BABAM2: variants seen among roughly 807,000 people sequenced by gnomAD.
BABAM2 encodes BRISC and BRCA1-A complex member 2.
Under a neutral mutation model 54.7 loss-of-function variants are expected in BABAM2, and 31 were observed. The ratio of observed to expected loss-of-function variants is 0.57; its 90% CI spans 0.43 to 0.77. BABAM2 has a LOEUF of 0.77. Among genes scored for constraint, BABAM2 ranks in the 30% least tolerant of loss-of-function variants. The pLI is 0.00. For synonymous variants in BABAM2, 167 were observed against 162.9 expected (o/e 1.03, Z -0.19); for missense variants, 364 against 455.8 (o/e 0.80, Z 1.83).
chr2:28,213,957 A>AC (rs1482609303), intron 7 of BABAM2, among the ~76,000 whole-genome samples: 2 of 151,684 alleles, frequency 1.3e-5, no homozygotes, highest in African/African-American at 2.4e-5. Flanking sequence ...AAAAAAAAAA[A>AC]AAACAGCACT....
At chr2:28,306,844 G>A (rs530637624) in intron 11 of BABAM2, among the ~76,000 whole-genome samples, 6 of 146,524 alleles carry the variant, frequency 4.1e-5, no homozygotes, top group Admixed American at 1.4e-4. Flanking sequence ...CTACAGGCTC[G>A]CGCCACTATT....
At chr2:28,332,591 C>G (rs186348453) in intron 11 of BABAM2, among the ~76,000 whole-genome samples, 1 of 152,258 alleles carries the variant, frequency 6.6e-6, no homozygotes, top group Non-Finnish European at 1.5e-5. Context: ...GCATGTTGTC[C>G]TGGACAGAAG....
intron 10 of BABAM2, among the ~76,000 whole-genome samples, chr2:28,250,341 G>A (rs1404124782): frequency 2.2e-5 from 2 of 89,298 alleles, no homozygotes; most frequent in African/African-American, 7.8e-5. Flanking sequence ...TTTTTTTTTA[G>A]CTATCTAATA....
At chr2:28,246,162 A>G (rs974606288) in intron 10 of BABAM2, among the ~76,000 whole-genome samples, 1 of 152,142 alleles carries the variant, frequency 6.6e-6, no homozygotes, top group East Asian at 1.9e-4. Context: ...GGGGCCAGGT[A>G]AGGAGGAAGC....
At chr2:28,257,162 G>T (rs1684048399) in intron 10 of BABAM2, among the ~76,000 whole-genome samples, 1 of 152,060 alleles carries the variant, frequency 6.6e-6, no homozygotes, top group South Asian at 2.1e-4. Flanking sequence ...CACAGATTCA[G>T]CTTTCATGAG....
intron 6 of BABAM2, among the ~76,000 whole-genome samples, chr2:28,110,716 T>C (rs1282987169): frequency 6.6e-6 from 1 of 152,120 alleles, no homozygotes; most frequent in Non-Finnish European, 1.5e-5. Context: ...TTTTGGAGTA[T>C]CTATTCAGAA....
intron 4 of BABAM2, among the ~76,000 whole-genome samples, chr2:27,991,907 A>G (rs1444029461): frequency 1.3e-5 from 2 of 152,150 alleles, no homozygotes; most frequent in African/African-American, 4.8e-5. Flanking sequence ...TGGTAACTCT[A>G]TGTTTAACTT....
chr2:28,181,709 A>G (rs1300691441), intron 7 of BABAM2, among the ~76,000 whole-genome samples: 2 of 152,088 alleles, frequency 1.3e-5, no homozygotes, highest in Non-Finnish European at 2.9e-5. Context: ...TACAGAAGTA[A>G]TTTCAGTTTT....
chr2:28,302,214 C>T (rs749224585), intron 11 of BABAM2, among the ~76,000 whole-genome samples: 4 of 152,034 alleles, frequency 2.6e-5, no homozygotes, highest in East Asian at 3.9e-4. Flanking sequence ...GTAGGAAGTT[C>T]GAGAACAGTC....
intron 7 of BABAM2, among the ~76,000 whole-genome samples, chr2:28,135,456 G>A (rs1251080558): frequency 6.6e-6 from 1 of 151,758 alleles, no homozygotes; most frequent in East Asian, 1.9e-4. Flanking sequence ...TGTGCTTCCT[G>A]TGATAACATC....
intron 7 of BABAM2, among the ~76,000 whole-genome samples, chr2:28,236,049 A>G (rs952733386): frequency 5.3e-5 from 8 of 152,206 alleles, no homozygotes; most frequent in Admixed American, 3.9e-4. Context: ...GGTCTTGGAT[A>G]ATAATCCAAC....
At chr2:28,253,771 G>A (rs1490789018) in intron 10 of BABAM2, among the ~76,000 whole-genome samples, 1 of 152,196 alleles carries the variant, frequency 6.6e-6, no homozygotes, top group Non-Finnish European at 1.5e-5. Flanking sequence ...GAGATATGGA[G>A]ACTATCTCAT....
chr2:28,281,528 A>G (rs1278679435), intron 10 of BABAM2, among the ~76,000 whole-genome samples: 2 of 152,186 alleles, frequency 1.3e-5, no homozygotes, highest in African/African-American at 4.8e-5. Context: ...CTTTCCAGAG[A>G]TGGAAGCAGC....
chr2:28,194,215 A>G (rs527898835), intron 7 of BABAM2, among the ~76,000 whole-genome samples: 10 of 152,198 alleles, frequency 6.6e-5, no homozygotes, highest in African/African-American at 2.2e-4. Flanking sequence ...GGGGCCTTGT[A>G]AGCCACGGTG....
At chr2:28,242,012 C>CTT (rs1558465482) in intron 9 of BABAM2, among the ~76,000 whole-genome samples, 3 of 152,050 alleles carry the variant, frequency 2.0e-5, no homozygotes, top group Non-Finnish European at 2.9e-5. Flanking sequence ...TTGCATAGCA[C>CTT]TTTTCACCTC....
chr2:28,026,886 A>ATATAAATATATATT (rs1558667477), intron 5 of BABAM2, among the ~76,000 whole-genome samples: 1 of 52,584 alleles, frequency 1.9e-5, no homozygotes, highest in African/African-American at 9.5e-5. Context: ...ATATATATAT[A>ATATAAATATATATT]GATATATATA....
chr2:27,986,084 G>A (rs1482795465), intron 3 of BABAM2, among the ~76,000 whole-genome samples: 1 of 152,080 alleles, frequency 6.6e-6, no homozygotes, highest in African/African-American at 2.4e-5. Context: ...AGGGCATTGA[G>A]CAGATCATAT....
chr2:28,186,916 C>T (rs200004117), intron 7 of BABAM2, among the ~76,000 whole-genome samples: 1 of 151,894 alleles, frequency 6.6e-6, no homozygotes, highest in East Asian at 1.9e-4. Context: ...CGCCATTCTC[C>T]TACCTCAGCC....
At position 28,241,363 on chromosome 2, in the gene BABAM2, A is replaced by G. The variant is rs1414858732; in HGVS notation, c.821A>G (p.Tyr274Cys). The G allele has an allele frequency of 6.2e-7, 1 of 1,614,158 alleles. No homozygotes were observed. Among genetic ancestry groups the G allele is most frequent in the South Asian group, 1.1e-5 (1 of 91,078 alleles). The change falls in exon 9 of 12, where the codon TAT (tyrosine) becomes TGT (cysteine). Residue 274 changes from tyrosine (Y) to cysteine (C), a missense_variant. Tyr to Cys is a radical substitution (Grantham distance 194). Transcript: ENST00000379624. Reference protein sequence around the residue: ...VIQGYHKRREYIAAFLSHFGT... With the variant: ...VIQGYHKRRECIAAFLSHFGT... ...CAAGGGTATCACAAAAGAAGAGAGT[A>G]TATTGCTGCTTTTCTCAGTCACTTT...
Sources: allele counts gnomAD v4.1 joint callset (sites outside exome capture counted in the v4.1 genomes callset), GRCh38; gene constraint gnomAD v4.1.1; transcripts MANE v1.5; gene names NCBI Gene and HGNC (gene_info 2026-07-23, HGNC 2026-07-21).